Variants in TPH1 observed in about 807,000 individuals in gnomAD.
TPH1 encodes tryptophan 5-hydroxylase 1.
Under a neutral mutation model 49.5 loss-of-function variants are expected in TPH1, and 37 were observed. The ratio of observed to expected loss-of-function variants is 0.75; its 90% CI spans 0.58 to 0.98. The LOEUF (loss-of-function observed/expected upper bound fraction) is 0.98. Among genes scored for constraint, TPH1 ranks in the 50% least tolerant of loss-of-function variants. The pLI is 0.00. For missense variants in TPH1, 487 were observed against 523.6 expected (o/e 0.93, Z 0.68); for synonymous variants, 160 against 182.1 (o/e 0.88, Z 0.98).
At position 18,032,537 on chromosome 11, in the gene TPH1, C is replaced by CTT. The variant is rs34366393; in HGVS notation, c.402+735_402+736dup. Reference sequence around the variant, plus strand: ...GAGGTCTACTAACACTTGTTGAAATCTTTTTTTTTTTTTTTTTTTTTTTTT... The same window carrying CTT: ...GAGGTCTACTAACACTTGTTGAAATCTTTTTTTTTTTTTTTTTTTTTTTTTTT... On this transcript the variant is annotated intron_variant, in intron 4 of 10. Coordinates refer to ENST00000682019, the MANE Select transcript of TPH1 (RefSeq NM_004179.3). Among the ~76,000 whole-genome samples, 302 of 86,338 alleles carry CTT rather than the reference C, an allele frequency of 3.5e-3. 29 individuals are homozygous for CTT. The highest frequency in any genetic ancestry group is 0.011 in the African/African-American group (211 of 18,494). 56.6% of individuals were successfully genotyped at this position (86,338 alleles called of 152,430 possible).
chr11:18,035,079 C>T (rs1394728764), intron 3 of TPH1, among the ~76,000 whole-genome samples: 2 of 152,370 alleles, frequency 1.3e-5, no homozygotes, highest in Non-Finnish European at 1.5e-5. Flanking sequence ...TAAGGATCGC[C>T]GGGCCTGCTG....
At position 18,017,613 on chromosome 11, in the gene TPH1, A is replaced by G. The variant is rs1306928905; in HGVS notation, c.*3378T>C. ...CCACTGAATAACAAACTTGTAAATC[A>G]TAAATATATATTACATAGTAAAACA... is the stretch of plus-strand genomic sequence containing the variant. On this transcript the variant is annotated 3_prime_UTR_variant, in exon 11 of 11. Coordinates refer to ENST00000682019, the MANE Select transcript of TPH1 (RefSeq NM_004179.3). 1 of 152,256 alleles carries G rather than the reference A, an allele frequency of 6.6e-6. No homozygotes were observed. Among genetic ancestry groups the G allele is most frequent in the Non-Finnish European group, 1.5e-5 (1 of 68,040 alleles). The allele number at this position is 152,256 out of a possible 1,614,324, so 9.4% of individuals were successfully genotyped here. A position where few individuals can be genotyped will look rare whatever the true frequency, so the allele number is the denominator to read the frequency against.
intron 4 of TPH1, among the ~76,000 whole-genome samples, chr11:18,032,707 G>A (rs374726034): frequency 3.3e-5 from 5 of 151,118 alleles, no homozygotes; most frequent in East Asian, 2.0e-4. Flanking sequence ...CACCACGCCC[G>A]GCTAATTTTT....
chr11:18,029,142 C>CA (rs1163489602), intron 6 of TPH1, 23 bp downstream of exon 6: 2 of 1,423,276 alleles, frequency 1.4e-6, no homozygotes, highest in Non-Finnish European at 2.0e-6. Flanking sequence ...AACTCCCTTA[C>CA]AAAAAATTAA....
At chr11:18,042,365 C>T (rs941913612) in intron 1 of TPH1, 1 of 454,010 alleles carries the variant, frequency 2.2e-6, no homozygotes, top group African/African-American at 2.0e-5. Flanking sequence ...GTTTCTTACC[C>T]ATTCAATTAC....
At position 18,029,588 on chromosome 11, in the gene TPH1, T is replaced by G. The variant is rs563998547; in HGVS notation, c.403-9A>C. Reference sequence around the variant, plus strand: ...ACATTGTCTTTGAAGCCCTGATAATTAAAGATATGTTTTTAAATATCCATA... The same window carrying G: ...ACATTGTCTTTGAAGCCCTGATAATGAAAGATATGTTTTTAAATATCCATA... On this transcript the variant is annotated splice_polypyrimidine_tract_variant and intron_variant, in intron 4 of 10. Coordinates refer to ENST00000682019, the MANE Select transcript of TPH1 (RefSeq NM_004179.3). 4 of 1,607,968 alleles carry G rather than the reference T, an allele frequency of 2.5e-6. No homozygotes were observed. In the South Asian group the frequency reaches 4.4e-5, roughly 18 times the overall value.
chr11:18,029,071 G>C (rs537438163), intron 6 of TPH1, 94 bp downstream of exon 6: 175 of 814,786 alleles, frequency 2.1e-4, no homozygotes, highest in Middle Eastern at 7.6e-4. Context: ...CAGAAAGAGA[G>C]ACTCTGTCTC....
In TPH1 at chr11:18,025,629, T is replaced by A; in HGVS notation, c.876A>T (p.Glu292Asp). 1 of 1,614,048 alleles carries A rather than the reference T, an allele frequency of 6.2e-7. No homozygotes were observed. The highest frequency in any genetic ancestry group is 1.1e-5 in the South Asian group (1 of 91,076). ...AAGCGCCAAGAGAAGCCAAGCCAAT[T>A]TCTTGGGAGAATTGGGCAAAACTAG... ...AEPSFAQFSQ[E>D]IGLASLGASE... is the part of the protein sequence containing the mutation. Residue 292 changes from glutamate (E) to aspartate (D), a missense_variant, in exon 8 of 11, where the codon GAA becomes GAT. Physicochemically the swap from Glu to Asp is conservative, Grantham distance 45. Transcript: ENST00000682019.
Position 18,019,829 on chromosome 11 carries a change from G to A in TPH1, c.*1162C>T, listed in dbSNP as rs1188848131. The A allele has an allele frequency of 4.5e-6, 2 of 440,822 alleles. No individual in the cohort carries two copies. Among genetic ancestry groups the A allele is most frequent in the African/African-American group, 2.0e-5 (1 of 49,584 alleles). 27.3% of individuals were successfully genotyped at this position (440,822 alleles called of 1,614,324 possible). Reference sequence around the variant, plus strand: ...TTTATAACAGGACTGCTTACTCCCTGTGCTACACAGCTGACTCTGCATAAA... The same window carrying A: ...TTTATAACAGGACTGCTTACTCCCTATGCTACACAGCTGACTCTGCATAAA... On this transcript the variant is annotated 3_prime_UTR_variant, in exon 11 of 11. Coordinates refer to ENST00000682019, the MANE Select transcript of TPH1 (RefSeq NM_004179.3).
chr11:18,017,689 A>C lies in TPH1; in HGVS notation c.*3302T>G, dbSNP rs758888500. 1 of 152,178 alleles carries C rather than the reference A, an allele frequency of 6.6e-6. No individual in the cohort carries two copies. Among genetic ancestry groups the C allele is most frequent in the Non-Finnish European group, 1.5e-5 (1 of 68,022 alleles). The allele number at this position is 152,178 out of a possible 1,614,324, so 9.4% of individuals were successfully genotyped here. A position where few individuals can be genotyped will look rare whatever the true frequency, so the allele number is the denominator to read the frequency against. On this transcript the variant is annotated 3_prime_UTR_variant, in exon 11 of 11. Coordinates refer to ENST00000682019, the MANE Select transcript of TPH1 (RefSeq NM_004179.3). The stretch of plus-strand genomic sequence containing the variant: ...TACCTTAAACACTTCCTATGAATTA[A>C]CATATGGACTCTATCATATGTTCCT...
intron 2 of TPH1, among the ~76,000 whole-genome samples, chr11:18,037,799 A>C (rs1294482704): frequency 6.6e-6 from 1 of 152,242 alleles, no homozygotes; most frequent in Non-Finnish European, 1.5e-5. Context: ...TCCCTATCAG[A>C]CATTTCAGTT....
intron 10 of TPH1, among the ~76,000 whole-genome samples, chr11:18,021,420 TA>T (rs2134024338): frequency 6.6e-6 from 1 of 152,324 alleles, no homozygotes; most frequent in African/African-American, 2.4e-5. Context: ...TCCCTGGTAT[TA>T]CTAGGGAAAG....
chr11:18,020,786 G>T lies in TPH1; in HGVS notation c.*205C>A. 4 of 525,862 alleles carry T rather than the reference G, an allele frequency of 7.6e-6. No homozygotes were observed. The highest frequency in any genetic ancestry group is 2.2e-5 in the South Asian group (1 of 44,448). 32.6% of individuals were successfully genotyped at this position (525,862 alleles called of 1,614,324 possible). On this transcript the variant is annotated 3_prime_UTR_variant, in exon 11 of 11. Transcript: ENST00000682019. Reference sequence around the variant, plus strand: ...TTAAAGCTGCTACCAAAAAAAAAAAGAAATAAAACTAAACAAAAAAATAAG... The same window carrying T: ...TTAAAGCTGCTACCAAAAAAAAAAATAAATAAAACTAAACAAAAAAATAAG...
In TPH1 at chr11:18,022,840, T is replaced by A; in HGVS notation, c.1118A>T (p.Tyr373Phe). 1 of 1,613,496 alleles carries A rather than the reference T, an allele frequency of 6.2e-7. No homozygotes were observed. Among genetic ancestry groups the A allele is most frequent in the East Asian group, 2.2e-5 (1 of 44,846 alleles). ...ATCTTCAAAACTTTCAGATACAAAG[T>A]AGACATCTTGAAAAGTTGTGATAAG... Reference protein sequence around the residue: ...ECLITTFQDVYFVSESFEDAK... With the variant: ...ECLITTFQDVFFVSESFEDAK... The change falls in exon 10 of 11, where the codon TAC (tyrosine) becomes TTC (phenylalanine). Residue 373 changes from tyrosine to phenylalanine, a missense_variant. Tyr to Phe is a conservative substitution (Grantham distance 22, BLOSUM62 3). Coordinates refer to ENST00000682019, the MANE Select transcript of TPH1 (RefSeq NM_004179.3).
At chr11:18,039,989 TAG>T (rs1808772383) in intron 2 of TPH1, among the ~76,000 whole-genome samples, 1 of 151,910 alleles carries the variant, frequency 6.6e-6, no homozygotes, top group South Asian at 2.1e-4. Flanking sequence ...GTTCTGACAA[TAG>T]GAGACACTGT....
At position 18,019,517 on chromosome 11, in the gene TPH1, A is replaced by G. The variant is rs1022070065; in HGVS notation, c.*1474T>C. 1 of 388,130 alleles carries G rather than the reference A, an allele frequency of 2.6e-6. No individual in the cohort carries two copies. Among genetic ancestry groups the G allele is most frequent in the Admixed American group, 3.1e-5 (1 of 31,898 alleles). The allele number at this position is 388,130 out of a possible 1,614,324, so 24.0% of individuals were successfully genotyped here. ...TGGATGATGCCACATGAAGTTGTAC[A>G]GCATTGGCCTAAATTATGAGACATC... On this transcript the variant is annotated 3_prime_UTR_variant, in exon 11 of 11. Coordinates refer to ENST00000682019, the MANE Select transcript of TPH1 (RefSeq NM_004179.3).
chr11:18,029,364 A>C lies in TPH1; in HGVS notation c.471-3T>G, dbSNP rs758113392. ...CAACCTTTGGAATGGGGTCTCCACT[A>C]ATGAGATAAAGGGAAGGAGTTGTTT... On this transcript the variant is annotated splice_region_variant and splice_polypyrimidine_tract_variant and intron_variant, in intron 5 of 10. Coordinates refer to ENST00000682019, the MANE Select transcript of TPH1 (RefSeq NM_004179.3). 1.9e-6 allele frequency: 3 copies of C among 1,613,276 alleles called. No homozygotes were observed. Among genetic ancestry groups the C allele is most frequent in the Non-Finnish European group, 2.5e-6 (3 of 1,179,312 alleles).
chr11:18,031,873 T>G (rs1847992229), intron 4 of TPH1, among the ~76,000 whole-genome samples: 1 of 152,198 alleles, frequency 6.6e-6, no homozygotes, highest in Non-Finnish European at 1.5e-5. Context: ...CTCTCTTATG[T>G]GTATTTTGAG....
At chr11:18,037,287 G>A (rs1848056159) in intron 2 of TPH1, among the ~76,000 whole-genome samples, 2 of 151,954 alleles carry the variant, frequency 1.3e-5, no homozygotes, top group Admixed American at 6.6e-5. Context: ...GAGACCAGGA[G>A]GTTAAGGCTA....
Sources: allele counts gnomAD v4.1 joint callset (sites outside exome capture counted in the v4.1 genomes callset), GRCh38; gene constraint gnomAD v4.1.1; transcripts MANE v1.5; gene names NCBI Gene and HGNC (gene_info 2026-07-23, HGNC 2026-07-21).